The following JPH3 variants were observed in gnomAD, a reference collection of about 807,000 sequenced individuals.
The protein encoded by JPH3 is junctophilin 3.
JPH3 carries 11 observed loss-of-function variants against 59.6 expected under a neutral mutation model. The ratio of observed to expected loss-of-function variants is 0.18; its 90% CI spans 0.12 to 0.31. The LOEUF (loss-of-function observed/expected upper bound fraction) is 0.31. Ranked by LOEUF, JPH3 falls within the 10% of genes least tolerant of loss-of-function variation. The pLI is 1.00. For missense variants in JPH3, 1,202 were observed against 1,105.7 expected (o/e 1.09, Z -1.24); for synonymous variants, 673 against 483.6 (o/e 1.39, Z -5.14).
intron 1 of JPH3, among the ~76,000 whole-genome samples, chr16:87,641,567 T>C (rs957201030): frequency 3.9e-5 from 6 of 152,352 alleles, no homozygotes; most frequent in African/African-American, 1.4e-4. Context: ...TTCTTCCTGG[T>C]ACCCCCCTTC....
At chr16:87,652,364 G>A (rs2032351858) in intron 2 of JPH3, among the ~76,000 whole-genome samples, 1 of 152,308 alleles carries the variant, frequency 6.6e-6, no homozygotes. Context: ...TCAGATTATT[G>A]TTCACATTTT....
In JPH3 at chr16:87,626,215, G is replaced by C. The variant is rs987570251; in HGVS notation, c.383-18043G>C. ...ACTGGGTCTTCAAGGCAGCCCTGTG[G>C]GGTGGGAATCATTTTTATCCTGTGA... On this transcript the variant is annotated intron_variant, in intron 1 of 4. Transcript: ENST00000284262. 3.9e-5 allele frequency among the ~76,000 whole-genome samples: 6 copies of C among 152,166 alleles called. No homozygotes were observed. The East Asian group carries it at 1.2e-3, about 29-fold the overall frequency.
chr16:87,690,069 A>C lies in JPH3; in HGVS notation c.1709A>C (p.Lys570Thr), dbSNP rs1279202403. The C allele has an allele frequency of 1.3e-6, 2 of 1,579,948 alleles. No homozygotes were observed. The highest frequency in any genetic ancestry group is 1.7e-6 in the Non-Finnish European group (2 of 1,162,770). The change falls in exon 4 of 5, where the codon AAG becomes ACG. Residue 570 changes from lysine to threonine, a missense_variant. Transcript: ENST00000284262. ...GGCCGCAAGCAGCCCGGGAACCCCA[A>C]GCCGCGGGAGCGGCGGACGGAGTCA... is the stretch of plus-strand genomic sequence containing the variant. ...GSGRKQPGNPKPRERRTESPP... is the reference protein window; with the variant it reads ...GSGRKQPGNPTPRERRTESPP...
chr16:87,638,503 C>T (rs1210260387), intron 1 of JPH3, among the ~76,000 whole-genome samples: 1 of 152,098 alleles, frequency 6.6e-6, no homozygotes, highest in Non-Finnish European at 1.5e-5. Flanking sequence ...GAAGGGGCGG[C>T]CTCAAGAATT....
At chr16:87,692,757 C>T (rs1419660942) in intron 4 of JPH3, among the ~76,000 whole-genome samples, 2 of 152,202 alleles carry the variant, frequency 1.3e-5, no homozygotes, top group African/African-American at 4.8e-5. Flanking sequence ...TGGATATGAC[C>T]TGATGGTGGG....
intron 2 of JPH3, among the ~76,000 whole-genome samples, chr16:87,646,482 A>C (rs1353630242): frequency 6.6e-6 from 1 of 152,256 alleles, no homozygotes; most frequent in Admixed American, 6.5e-5. Flanking sequence ...TGGGGTTTTA[A>C]GAACAAATTA....
At chr16:87,620,491 G>GAA (rs1567584998) in intron 1 of JPH3, among the ~76,000 whole-genome samples, 186 of 144,608 alleles carry the variant, frequency 1.3e-3, no homozygotes, top group Middle Eastern at 7.0e-3. Context: ...GAGAGGGAGA[G>GAA]GGGGAGGGGA....
At chr16:87,695,787 A>G (rs2033813681) in intron 4 of JPH3, 1 of 455,926 alleles carries the variant, frequency 2.2e-6, no homozygotes, top group Non-Finnish European at 4.4e-6. Flanking sequence ...TCACTGCAGA[A>G]GGGCGCCCCC....
chr16:87,644,710 G>C lies in JPH3; in HGVS notation c.835G>C (p.Asp279His). Residue 279 changes from aspartate (D) to histidine (H), a missense_variant, in exon 2 of 5, where the codon GAC becomes CAC. Asp to His is a moderately conservative substitution (Grantham distance 81). Transcript: ENST00000284262. ...GGCCGAGCTGGCGGTCATCGAGGACGACATCGACGCCACCACCACCGAGAC... is the reference window on the plus strand; with the variant it reads ...GGCCGAGCTGGCGGTCATCGAGGACCACATCGACGCCACCACCACCGAGAC... ...AEAELAVIED[D>H]IDATTTETYV... The C allele has an allele frequency of 6.2e-7, 1 of 1,609,808 alleles. No individual in the cohort carries two copies. Among genetic ancestry groups the C allele is most frequent in the Non-Finnish European group, 8.5e-7 (1 of 1,179,146 alleles).
chr16:87,685,947 G>A (rs2033407099), intron 3 of JPH3, among the ~76,000 whole-genome samples: 1 of 152,204 alleles, frequency 6.6e-6, no homozygotes, highest in Non-Finnish European at 1.5e-5. Flanking sequence ...CAGACTTTGA[G>A]ACAAGATCAG....
chr16:87,644,278 G>C lies in JPH3; in HGVS notation c.403G>C (p.Val135Leu). The change falls in exon 2 of 5, where the codon GTC becomes CTC. Residue 135 changes from valine (V) to leucine (L), a missense_variant. Coordinates refer to ENST00000284262, the MANE Select transcript of JPH3 (RefSeq NM_020655.4). The part of the protein sequence containing the change: ...SDGGTYQGQW[V>L]GGMRQGYGVR... Reference sequence around the variant, plus strand: ...CCCAGGGACCTACCAGGGCCAGTGGGTCGGTGGCATGCGCCAGGGCTACGG... The same window carrying C: ...CCCAGGGACCTACCAGGGCCAGTGGCTCGGTGGCATGCGCCAGGGCTACGG... 1 of 1,610,218 alleles carries C rather than the reference G, an allele frequency of 6.2e-7. No individual in the cohort carries two copies. The highest frequency in any genetic ancestry group is 8.5e-7 in the Non-Finnish European group (1 of 1,178,560).
At chr16:87,632,816 C>T (rs2031606476) in intron 1 of JPH3, among the ~76,000 whole-genome samples, 1 of 151,942 alleles carries the variant, frequency 6.6e-6, no homozygotes, top group African/African-American at 2.4e-5. Flanking sequence ...TTGCTTGAAC[C>T]TGGGAGGTGG....
chr16:87,639,215 C>T (rs1232329771), intron 1 of JPH3, among the ~76,000 whole-genome samples: 1 of 152,172 alleles, frequency 6.6e-6, no homozygotes, highest in Admixed American at 6.5e-5. Flanking sequence ...CCGCCCTCCC[C>T]TCGTTGCAGA....
In JPH3 at chr16:87,644,898, C is replaced by T. The variant is rs1007163373; in HGVS notation, c.1023C>T (p.Asn341=). 3 of 1,613,266 alleles carry T rather than the reference C, an allele frequency of 1.9e-6. No homozygotes were observed. The highest frequency in any genetic ancestry group is 4.5e-5 in the East Asian group (2 of 44,836). ...GTKEEGKYKQ[N]ILVGGKRKNL... The stretch of plus-strand genomic sequence containing the variant: ...AGGAGGAGGGCAAGTACAAGCAGAA[C>T]ATCCTCGTCGGCGGCAAGCGCAAGA... The change falls in exon 2 of 5, where the codon AAC becomes AAT. Residue 341 remains asparagine, a synonymous_variant. Coordinates refer to ENST00000284262, the MANE Select transcript of JPH3 (RefSeq NM_020655.4).
intron 2 of JPH3, among the ~76,000 whole-genome samples, chr16:87,676,769 C>G (rs141772604): frequency 0.013 from 1,899 of 151,062 alleles, 72 homozygotes; most frequent in East Asian, 0.074. Flanking sequence ...GGCACAGTGG[C>G]TCACACCTGT....
chr16:87,624,923 C>T (rs528338603), intron 1 of JPH3, among the ~76,000 whole-genome samples: 4 of 152,302 alleles, frequency 2.6e-5, no homozygotes, highest in South Asian at 2.1e-4. Context: ...CCTCAGCCTC[C>T]GAAGTAGCTG....
chr16:87,635,040 C>G (rs75338644), intron 1 of JPH3, among the ~76,000 whole-genome samples: 12,114 of 152,330 alleles, frequency 0.08, 576 homozygotes, highest in Non-Finnish European at 0.11. Context: ...TTTCCCTCCA[C>G]TGGACTCTGG....
chr16:87,696,957 A>G lies in JPH3; in HGVS notation c.*297A>G, dbSNP rs1012903885. ...GTGGAGACAGAAGGGATCCCGGCACATCAGTGGTAACAGCGGACGTTGTCC... is the reference window on the plus strand; with the variant it reads ...GTGGAGACAGAAGGGATCCCGGCACGTCAGTGGTAACAGCGGACGTTGTCC... On this transcript the variant is annotated 3_prime_UTR_variant, in exon 5 of 5. Coordinates refer to ENST00000284262, the MANE Select transcript of JPH3 (RefSeq NM_020655.4). 1 of 405,458 alleles carries G rather than the reference A, an allele frequency of 2.5e-6. No individual in the cohort carries two copies. Among genetic ancestry groups the G allele is most frequent in the Non-Finnish European group, 4.6e-6 (1 of 215,748 alleles). The allele number at this position is 405,458 out of a possible 1,614,324, so 25.1% of individuals were successfully genotyped here. A position where few individuals can be genotyped will look rare whatever the true frequency, so the allele number is the denominator to read the frequency against.
intron 2 of JPH3, among the ~76,000 whole-genome samples, chr16:87,678,353 A>C (rs1013196485): frequency 5.9e-5 from 9 of 152,192 alleles, no homozygotes; most frequent in Non-Finnish European, 1.2e-4. Context: ...AGCCTGGCCA[A>C]CATGACAAAA....
Sources: allele counts gnomAD v4.1 joint callset (sites outside exome capture counted in the v4.1 genomes callset), GRCh38; gene constraint gnomAD v4.1.1; transcripts MANE v1.5; gene names NCBI Gene and HGNC (gene_info 2026-07-23, HGNC 2026-07-21).